The following ATL1 variants were observed in gnomAD, a reference collection of about 807,000 sequenced individuals.
ATL1 encodes atlastin-1.
A neutral mutation model predicts 75.5 loss-of-function variants in ATL1; 31 were observed. That is an observed-to-expected ratio of 0.41 (90% CI 0.31 to 0.55). The LOEUF is 0.55. Ranked by LOEUF, ATL1 falls within the 20% of genes least tolerant of loss-of-function variation. The probability of loss-of-function intolerance (pLI) is 0.27; values close to 1 mark genes in which losing one functional copy is unlikely to be tolerated. For missense variants in ATL1, 405 were observed against 662.6 expected, an observed-to-expected ratio of 0.61 and a Z score of 4.27; for synonymous variants, 226 against 233.3, an observed-to-expected ratio of 0.97 and a Z score of 0.28.
intron 1 of ATL1, among the ~76,000 whole-genome samples, chr14:50,583,142 C>T (rs1185780923): frequency 6.6e-6 from 1 of 152,126 alleles, no homozygotes; most frequent in Non-Finnish European, 1.5e-5. Context: ...TGGAGACATT[C>T]CCTTTAAAAT....
At chr14:50,593,386 A>AT (rs2039181788) in intron 4 of ATL1, among the ~76,000 whole-genome samples, 1 of 152,204 alleles carries the variant, frequency 6.6e-6, no homozygotes, top group South Asian at 2.1e-4. Context: ...ACATATATAT[A>AT]TAAGGATGTG....
At chr14:50,588,367 A>G (rs1407462439) in intron 2 of ATL1, among the ~76,000 whole-genome samples, 3 of 152,242 alleles carry the variant, frequency 2.0e-5, no homozygotes, top group African/African-American at 7.2e-5. Flanking sequence ...TAAATGTTAT[A>G]GTGTTTAAAA....
chr14:50,623,245 A>C lies in ATL1; in HGVS notation c.1116A>C (p.Glu372Asp). The C allele has an allele frequency of 6.2e-7, 1 of 1,612,674 alleles. No individual in the cohort carries two copies. The highest frequency in any genetic ancestry group is 8.5e-7 in the Non-Finnish European group (1 of 1,178,842). Residue 372 changes from glutamate to aspartate, a missense_variant, in exon 11 of 14, where the codon GAA (glutamate) becomes GAC (aspartate). Physicochemically the swap from Glu to Asp is conservative, Grantham distance 45. Coordinates refer to ENST00000358385, the MANE Select transcript of ATL1 (RefSeq NM_015915.5). ...TAKDTYNKKM[E>D]EICGGDKPFL... ...AGGACACATACAACAAAAAAATGGA[A>C]GAGGTAAGAGTTAAATATTTTAAAT...
At chr14:50,547,170 A>G (rs916163973) in intron 1 of ATL1, among the ~76,000 whole-genome samples, 1 of 152,218 alleles carries the variant, frequency 6.6e-6, no homozygotes, top group African/African-American at 2.4e-5. Flanking sequence ...AGATTTGTCT[A>G]ATATCTCAGT....
chr14:50,591,975 G>A (rs1050564849), intron 4 of ATL1, among the ~76,000 whole-genome samples: 4 of 152,096 alleles, frequency 2.6e-5, no homozygotes, highest in African/African-American at 9.7e-5. Context: ...TGTAAGTTAT[G>A]TTTAATGAAA....
chr14:50,602,901 T>G (rs191393579), intron 6 of ATL1, among the ~76,000 whole-genome samples: 2 of 152,246 alleles, frequency 1.3e-5, no homozygotes, highest in Admixed American at 1.3e-4. Context: ...TTCTGCTGAA[T>G]TGGAATCCCT....
At chr14:50,626,796 A>G (rs1237187746) in intron 11 of ATL1, among the ~76,000 whole-genome samples, 1 of 152,202 alleles carries the variant, frequency 6.6e-6, no homozygotes, top group East Asian at 1.9e-4. Context: ...AATGTACAGT[A>G]GATTATTGCT....
chr14:50,623,348 A>G (rs2039485871), intron 11 of ATL1, 100 bp downstream of exon 11: 1 of 923,658 alleles, frequency 1.1e-6, no homozygotes, highest in Admixed American at 2.0e-5. Context: ...CACACATGCA[A>G]TGAGGTGGCT....
At chr14:50,603,480 T>C (rs2039289539) in intron 6 of ATL1, among the ~76,000 whole-genome samples, 1 of 152,166 alleles carries the variant, frequency 6.6e-6, no homozygotes, top group Non-Finnish European at 1.5e-5. Context: ...TGAAAAATAA[T>C]AGAAGGGGAA....
intron 6 of ATL1, among the ~76,000 whole-genome samples, chr14:50,601,360 A>G (rs561447049): frequency 6.6e-6 from 1 of 152,312 alleles, no homozygotes; most frequent in East Asian, 1.9e-4. Context: ...TAAAAGAGAG[A>G]ATTAAAAGCT....
chr14:50,541,146 G>A (rs541526823), intron 1 of ATL1, among the ~76,000 whole-genome samples: 3 of 152,306 alleles, frequency 2.0e-5, no homozygotes, highest in East Asian at 1.9e-4. Context: ...ATCAGAAGCA[G>A]TTTGCTTTCA....
intron 1 of ATL1, among the ~76,000 whole-genome samples, chr14:50,564,328 G>C (rs868349899): frequency 4.1e-4 from 62 of 152,114 alleles, no homozygotes; most frequent in African/African-American, 1.3e-3. Flanking sequence ...AACAGAAACA[G>C]ATAGTGCAAA....
At chr14:50,597,198 G>C (rs2039226238) in intron 6 of ATL1, among the ~76,000 whole-genome samples, 1 of 92,048 alleles carries the variant, frequency 1.1e-5, no homozygotes, top group Non-Finnish European at 1.9e-5. Flanking sequence ...GACAGAGCAA[G>C]ACTCTGTCTC....
At chr14:50,595,894 T>C (rs564433943) in intron 6 of ATL1, among the ~76,000 whole-genome samples, 1 of 152,222 alleles carries the variant, frequency 6.6e-6, no homozygotes, top group South Asian at 2.1e-4. Context: ...GCTTTTTTTT[T>C]TTCCTGAACT....
chr14:50,567,475 T>A (rs978699414), intron 1 of ATL1, among the ~76,000 whole-genome samples: 1 of 152,206 alleles, frequency 6.6e-6, no homozygotes, highest in African/African-American at 2.4e-5. Context: ...TTTGGGTATA[T>A]ACCCAGAAGT....
chr14:50,602,941 A>C (rs762946372), intron 6 of ATL1, among the ~76,000 whole-genome samples: 7 of 152,074 alleles, frequency 4.6e-5, no homozygotes, highest in Non-Finnish European at 8.8e-5. Context: ...TGCACTCTCT[A>C]TGTCATTCTC....
At chr14:50,618,892 T>TA (rs201423325) in intron 8 of ATL1, among the ~76,000 whole-genome samples, 1,131 of 80,860 alleles carry the variant, frequency 0.014, 14 homozygotes, top group African/African-American at 0.077. Flanking sequence ...TATATATATA[T>TA]TTTTTTTTCT....
intron 9 of ATL1, 32 bp downstream of exon 9, chr14:50,620,758 A>G (rs773454717): frequency 5.6e-6 from 9 of 1,610,494 alleles, no homozygotes; most frequent in East Asian, 2.2e-5. Context: ...CATTCGTGGG[A>G]TAGATTTGAC....
At chr14:50,626,339 A>G (rs2039520156) in intron 11 of ATL1, among the ~76,000 whole-genome samples, 1 of 152,232 alleles carries the variant, frequency 6.6e-6, no homozygotes, top group Non-Finnish European at 1.5e-5. Flanking sequence ...GGTTTATAGG[A>G]GGCAAAAATA....
Sources: allele counts gnomAD v4.1 joint callset (sites outside exome capture counted in the v4.1 genomes callset), GRCh38; gene constraint gnomAD v4.1.1; transcripts MANE v1.5; gene names NCBI Gene and HGNC (gene_info 2026-07-23, HGNC 2026-07-21).